Variants in PRKAG2 observed in about 807,000 individuals in gnomAD.
The protein encoded by PRKAG2 is protein kinase AMP-activated non-catalytic subunit gamma 2.
In PRKAG2, 26 loss-of-function variants were observed where a neutral mutation model predicts 69.6. The observed-to-expected ratio is 0.37, with a 90% CI of 0.27 to 0.52. PRKAG2 has a LOEUF of 0.52. Among genes scored for constraint, PRKAG2 ranks in the 20% least tolerant of loss-of-function variants. The pLI is 0.90. For missense variants in PRKAG2, 557 were observed against 740.0 expected (o/e 0.75, Z 2.87); for synonymous variants, 293 against 285.0 (o/e 1.03, Z -0.28).
At chr7:151,631,564 CTCAACACCGAT>C in intron 5 of PRKAG2, 1 of 409,900 alleles carries the variant, frequency 2.4e-6, no homozygotes, top group Admixed American at 2.5e-5. Flanking sequence ...GTCGCCTGAA[CTCAACACCGAT>C]TCAATAACCT....
chr7:151,639,617 C>A (rs1038765233), intron 4 of PRKAG2, among the ~76,000 whole-genome samples: 3 of 152,210 alleles, frequency 2.0e-5, no homozygotes, highest in African/African-American at 7.2e-5. Context: ...CTTTCCTCTT[C>A]CTGCTCTTGG....
chr7:151,576,117 T>G, intron 7 of PRKAG2: 1 of 492,252 alleles, frequency 2.0e-6, no homozygotes, highest in South Asian at 2.1e-5. Context: ...TTTTTGCATG[T>G]TTTTGTAGAG....
At chr7:151,663,749 C>T (rs1474864990) in intron 4 of PRKAG2, among the ~76,000 whole-genome samples, 8 of 152,240 alleles carry the variant, frequency 5.3e-5, no homozygotes, top group Non-Finnish European at 1.0e-4. Flanking sequence ...ATGCACTCCA[C>T]GTCTTTAGTG....
At chr7:151,872,552 G>C (rs894840236) in intron 1 of PRKAG2, among the ~76,000 whole-genome samples, 1 of 152,240 alleles carries the variant, frequency 6.6e-6, no homozygotes, top group Non-Finnish European at 1.5e-5. Flanking sequence ...TTAACGAGTG[G>C]GTTACACTGT....
chr7:151,672,987 G>A (rs1334904778), intron 4 of PRKAG2, among the ~76,000 whole-genome samples: 1 of 152,162 alleles, frequency 6.6e-6, no homozygotes, highest in Admixed American at 6.5e-5. Flanking sequence ...GGGCTGCGTG[G>A]TTGTGTGGGG....
intron 3 of PRKAG2, among the ~76,000 whole-genome samples, chr7:151,679,992 C>T (rs941816084): frequency 6.6e-6 from 1 of 152,108 alleles, no homozygotes; most frequent in African/African-American, 2.4e-5. Context: ...TTCAAGGCTG[C>T]AGTGAGCTAG....
At chr7:151,747,219 G>T (rs1403969600) in intron 3 of PRKAG2, among the ~76,000 whole-genome samples, 1 of 152,184 alleles carries the variant, frequency 6.6e-6, no homozygotes, top group Non-Finnish European at 1.5e-5. Flanking sequence ...GGGTGATCTA[G>T]CAAGAACCTG....
At chr7:151,865,198 G>A (rs1025716891) in intron 1 of PRKAG2, among the ~76,000 whole-genome samples, 1 of 152,192 alleles carries the variant, frequency 6.6e-6, no homozygotes, top group African/African-American at 2.4e-5. Context: ...TGAGCTTCAG[G>A]CTGGCCCTCT....
chr7:151,820,035 G>C (rs1285946294), intron 1 of PRKAG2, among the ~76,000 whole-genome samples: 1 of 152,218 alleles, frequency 6.6e-6, no homozygotes, highest in African/African-American at 2.4e-5. Flanking sequence ...TTTTATGCCA[G>C]CACCTGATAA....
chr7:151,562,244 C>CAAAAAAAAAAAAAAAAAA (rs575674668), intron 14 of PRKAG2, among the ~76,000 whole-genome samples: 2 of 38,476 alleles, frequency 5.2e-5, no homozygotes, highest in Non-Finnish European at 6.2e-5. Flanking sequence ...GACTTTGTCT[C>CAAAAAAAAAAAAAAAAAA]AAAAAAAAAA....
At chr7:151,750,274 A>G (rs988221366) in intron 3 of PRKAG2, among the ~76,000 whole-genome samples, 2 of 152,164 alleles carry the variant, frequency 1.3e-5, no homozygotes, top group African/African-American at 4.8e-5. Context: ...TACCCAAGAG[A>G]ACTGCAAACG....
At chr7:151,839,319 G>A (rs987220736) in intron 1 of PRKAG2, among the ~76,000 whole-genome samples, 10 of 152,322 alleles carry the variant, frequency 6.6e-5, no homozygotes, top group South Asian at 2.1e-4. Context: ...GCAAGGCAGC[G>A]TGGCCGGGCA....
intron 5 of PRKAG2, among the ~76,000 whole-genome samples, chr7:151,605,936 C>CAAAAAAAAAAAAAAAAAAAAAAAAAAA (rs560080587): frequency 3.3e-5 from 3 of 91,046 alleles, no homozygotes; most frequent in African/African-American, 1.2e-4. Flanking sequence ...GACTCCGTCT[C>CAAAAAAAAAAAAAAAAAAAAAAAAAAA]AAAAAAAAAA....
At chr7:151,855,296 A>ACC (rs1414109339) in intron 1 of PRKAG2, among the ~76,000 whole-genome samples, 1 of 90,346 alleles carries the variant, frequency 1.1e-5, no homozygotes, top group African/African-American at 4.6e-5. Flanking sequence ...CCCTCCACAC[A>ACC]CCACCCTCCA....
Position 151,786,503 on chromosome 7 carries a change from G to C in PRKAG2, c.153C>G (p.Asp51Glu). 6.2e-7 allele frequency: 1 copy of C among 1,613,052 alleles called. No homozygotes were observed. The highest frequency in any genetic ancestry group is 8.5e-7 in the Non-Finnish European group (1 of 1,179,682). Residue 51 changes from aspartate (D) to glutamate (E), a missense_variant, in exon 2 of 16, where the codon GAC becomes GAG. By Grantham distance (45) the Asp-to-Glu change is conservative. Around this residue, in one of 2 missense-constraint regions of PRKAG2, gnomAD observed 352 missense variants for 356.7 expected, o/e 0.99. Transcript: ENST00000287878. ...AGGAATGCTTTCCGGAACCCTCCAGGTCTCCGTCCAGGAGCGGCATGGCGA... is the reference window on the plus strand; with the variant it reads ...AGGAATGCTTTCCGGAACCCTCCAGCTCTCCGTCCAGGAGCGGCATGGCGA... ...SSFAMPLLDG[D>E]LEGSGKHSSR...
intron 3 of PRKAG2, among the ~76,000 whole-genome samples, chr7:151,726,413 CAG>C (rs1489131024): frequency 1.3e-5 from 2 of 151,800 alleles, no homozygotes; most frequent in Admixed American, 1.3e-4. Flanking sequence ...CACACACACA[CAG>C]AGCTGATGCC....
chr7:151,730,317 T>C (rs558638950), intron 3 of PRKAG2, among the ~76,000 whole-genome samples: 6 of 152,298 alleles, frequency 3.9e-5, no homozygotes, highest in Admixed American at 1.3e-4. Context: ...GAACCTGTCA[T>C]TGTTAACCCT....
chr7:151,833,176 C>T (rs1171419248), intron 1 of PRKAG2, among the ~76,000 whole-genome samples: 3 of 152,156 alleles, frequency 2.0e-5, no homozygotes, highest in African/African-American at 4.8e-5. Flanking sequence ...ACAGAGAGCG[C>T]GTGAGTCTTT....
intron 6 of PRKAG2, among the ~76,000 whole-genome samples, chr7:151,587,313 A>C (rs1811925221): frequency 6.6e-6 from 1 of 152,222 alleles, no homozygotes; most frequent in Non-Finnish European, 1.5e-5. Context: ...TAGATGACTG[A>C]ATAAACAAAC....
Sources: allele counts gnomAD v4.1 joint callset (sites outside exome capture counted in the v4.1 genomes callset), GRCh38; gene constraint gnomAD v4.1.1; regional missense constraint gnomAD v4.1.1; transcripts MANE v1.5; gene names NCBI Gene and HGNC (gene_info 2026-07-23, HGNC 2026-07-21).